HENMT1: variants seen among roughly 807,000 people sequenced by gnomAD.
The protein encoded by HENMT1 is HEN methyltransferase 1.
HENMT1 carries 27 observed loss-of-function variants against 31.1 expected under a neutral mutation model. The observed-to-expected ratio is 0.87, with a 90% CI of 0.64 to 1.20. HENMT1 has a LOEUF of 1.20. Ranked by LOEUF, HENMT1 falls within the 50% of genes most tolerant of loss-of-function variation. The probability of loss-of-function intolerance (pLI) is 0.00; values close to 1 mark genes in which losing one functional copy is unlikely to be tolerated. For synonymous variants in HENMT1, 167 were observed against 172.2 expected, an observed-to-expected ratio of 0.97 and a Z score of 0.24; for missense variants, 438 against 469.6, an observed-to-expected ratio of 0.93 and a Z score of 0.62.
In HENMT1 at chr1:108,657,512, G is replaced by A. The variant is rs1261522951; in HGVS notation, c.89C>T (p.Pro30Leu). ...GAACTGGTACCGCTGTCTGTATAGT[G>A]GAGGTTTAAACTGAATTGCCGTCTC... is the stretch of plus-strand genomic sequence containing the variant. ...PRETAIQFKPPLYRQRYQFVK... is the reference protein window; with the variant it reads ...PRETAIQFKPLLYRQRYQFVK... Residue 30 changes from proline to leucine, a missense_variant, in exon 3 of 8, where the codon CCA becomes CTA. By Grantham distance (98) the Pro-to-Leu change is moderately conservative. Coordinates refer to ENST00000651461, the MANE Select transcript of HENMT1 (RefSeq NM_001102592.2). The A allele has an allele frequency of 6.2e-7, 1 of 1,610,902 alleles. No homozygotes were observed. The highest frequency in any genetic ancestry group is 1.3e-5 in the African/African-American group (1 of 74,788).
At chr1:108,654,955 T>A in intron 4 of HENMT1, 105 bp from the exon 5 acceptor site, 1 of 1,167,158 alleles carries the variant, frequency 8.6e-7, no homozygotes, top group Non-Finnish European at 1.2e-6. Context: ...CCTCTATTGA[T>A]ATAAGTCTGA....
intron 4 of HENMT1, 31 bp downstream of exon 4, chr1:108,655,555 A>G (rs1373089450): frequency 8.0e-7 from 1 of 1,243,950 alleles, no homozygotes; most frequent in Non-Finnish European, 1.2e-6. Context: ...TTTTAGATTA[A>G]CGCATAATTC....
chr1:108,649,132 C>T, intron 7 of HENMT1, 141 bp from the exon 8 acceptor site: 1 of 673,098 alleles, frequency 1.5e-6, no homozygotes, highest in Non-Finnish European at 2.5e-6. Flanking sequence ...TCGTAAATGC[C>T]TCAGTTATAA....
At chr1:108,659,191 A>G (rs949527626) in intron 2 of HENMT1, among the ~76,000 whole-genome samples, 1 of 152,176 alleles carries the variant, frequency 6.6e-6, no homozygotes, top group Admixed American at 6.5e-5. Context: ...TTTAAAATAT[A>G]CATGCACATA....
At chr1:108,650,929 A>G in intron 6 of HENMT1, 101 bp downstream of exon 6, 1 of 788,474 alleles carries the variant, frequency 1.3e-6, no homozygotes, top group Non-Finnish European at 2.0e-6. Context: ...ATTGGAAGAA[A>G]GTACAAAACA....
intron 2 of HENMT1, among the ~76,000 whole-genome samples, chr1:108,657,976 C>T (rs11102177): frequency 0.19 from 27,172 of 142,620 alleles, 4,371 homozygotes; most frequent in African/African-American, 0.46. Context: ...TATATATATA[C>T]ACACACACAT....
At chr1:108,652,528 T>C (rs909339342) in intron 5 of HENMT1, among the ~76,000 whole-genome samples, 12 of 152,222 alleles carry the variant, frequency 7.9e-5, no homozygotes, top group Admixed American at 5.2e-4. Flanking sequence ...AACAATTAAA[T>C]GTTACCAAAA....
intron 4 of HENMT1, 30 bp from the exon 5 acceptor site, chr1:108,654,880 G>A: frequency 6.2e-7 from 1 of 1,610,428 alleles, no homozygotes; most frequent in South Asian, 1.1e-5. Context: ...GAAACTTTCT[G>A]AACATTATCT....
intron 4 of HENMT1, 149 bp from the exon 5 acceptor site, chr1:108,654,999 GACCA>G: frequency 1.3e-6 from 1 of 784,586 alleles, no homozygotes; most frequent in Non-Finnish European, 2.0e-6. Flanking sequence ...ACATATTAAA[GACCA>G]GGTCATGGGG....
chr1:108,650,447 G>A lies in HENMT1; in HGVS notation c.579-59C>T, dbSNP rs949945390. ...TAAATGTAGAGCTACTGTTAAATAA[G>A]GAACCATTTCTGGTCAGCAGTAAAA... On this transcript the variant is annotated intron_variant, in intron 6 of 7. Coordinates refer to ENST00000651461, the MANE Select transcript of HENMT1 (RefSeq NM_001102592.2). The A allele has an allele frequency of 2.1e-6, 3 of 1,460,404 alleles. No individual in the cohort carries two copies. The African/African-American group carries it at 4.3e-5, about 21-fold the overall frequency. The allele number at this position is 1,460,404 out of a possible 1,614,324, so 90.5% of individuals were successfully genotyped here. A position where few individuals can be genotyped will look rare whatever the true frequency, so the allele number is the denominator to read the frequency against.
At chr1:108,654,598 C>A in intron 5 of HENMT1, 118 bp downstream of exon 5, 1 of 948,022 alleles carries the variant, frequency 1.1e-6, no homozygotes, top group Admixed American at 2.8e-5. Flanking sequence ...TATTCCCAAC[C>A]AATGAGCAGT....
chr1:108,655,664 A>G lies in HENMT1; in HGVS notation c.185T>C (p.Leu62Ser), dbSNP rs1557740780. The G allele has an allele frequency of 1.2e-6, 2 of 1,612,514 alleles. No homozygotes were observed. Among genetic ancestry groups the G allele is most frequent in the Non-Finnish European group, 1.7e-6 (2 of 1,179,358 alleles). The change falls in exon 4 of 8, where the codon TTA (leucine) becomes TCA (serine). Residue 62 changes from leucine to serine, a missense_variant. By Grantham distance (145) the Leu-to-Ser change is moderately radical (BLOSUM62 -2). Coordinates refer to ENST00000651461, the MANE Select transcript of HENMT1 (RefSeq NM_001102592.2). ...GCATGGATTGACTTTTAGCAGCCTT[A>G]AGAGTGAAGTATCACCACATCCCAG... is the stretch of plus-strand genomic sequence containing the variant. ...ADLGCGDTSL[L>S]RLLKVNPCIE...
At chr1:108,651,897 A>C (rs1237635397) in intron 5 of HENMT1, among the ~76,000 whole-genome samples, 5 of 152,206 alleles carry the variant, frequency 3.3e-5, no homozygotes, top group African/African-American at 1.2e-4. Flanking sequence ...TCTAAAAAAA[A>C]GTCTCTGAGG....
chr1:108,648,719 C>T lies in HENMT1; in HGVS notation c.1029G>A (p.Leu343=), dbSNP rs779137632. 1.2e-6 allele frequency: 2 copies of T among 1,614,200 alleles called. No individual in the cohort carries two copies. The highest frequency in any genetic ancestry group is 2.2e-5 in the East Asian group (1 of 44,886). Residue 343 remains leucine (L), a synonymous_variant, in exon 8 of 8, where the codon CTG becomes CTA. Transcript: ENST00000651461. ...ACTTGGGATACGCAAGGAGTCTCTGCAGAGGTACGAAAAATTTATCTCCAA... is the reference window on the plus strand; with the variant it reads ...ACTTGGGATACGCAAGGAGTCTCTGTAGAGGTACGAAAAATTTATCTCCAA... The part of the protein sequence containing the change: ...FCVGDKFFVP[L]QRLLAYPKLN...
rs756518566 is a variant in HENMT1, at chr1:108,655,639, G to A, written c.210C>T (p.Cys70=). ...TATCTACTCCAACAAGCAATTCAAT[G>A]CATGGATTGACTTTTAGCAGCCTTA... ...SLLRLLKVNP[C]IELLVGVDIN... Residue 70 remains cysteine, a synonymous_variant, in exon 4 of 8, where the codon TGC becomes TGT. Coordinates refer to ENST00000651461, the MANE Select transcript of HENMT1 (RefSeq NM_001102592.2). 3.2e-5 allele frequency: 51 copies of A among 1,612,050 alleles called. 1 individual carries two copies. In the South Asian group the frequency reaches 5.1e-4, roughly 16 times the overall value.
rs1170549426 is a variant in HENMT1, at chr1:108,659,811, T to C, written c.21+53A>G. ...TTGTTTGCAATTATCTCACAATACA[T>C]CCAGGTGATAATTCTTAAGAGTCAA... On this transcript the variant is annotated intron_variant, in intron 2 of 7. Transcript: ENST00000651461. 5 of 1,114,032 alleles carry C rather than the reference T, an allele frequency of 4.5e-6. No individual in the cohort carries two copies. The Admixed American group carries it at 5.9e-5, about 13-fold the overall frequency. The allele number at this position is 1,114,032 out of a possible 1,614,324, so 69.0% of individuals were successfully genotyped here. A position where few individuals can be genotyped will look rare whatever the true frequency, so the allele number is the denominator to read the frequency against.
At chr1:108,656,799 G>A (rs997414041) in intron 3 of HENMT1, among the ~76,000 whole-genome samples, 5 of 152,140 alleles carry the variant, frequency 3.3e-5, no homozygotes, top group African/African-American at 1.2e-4. Context: ...CACAATACCT[G>A]TGGCTACAAT....
rs1658047056 is a variant in HENMT1, at chr1:108,651,298, G to C, written c.399-89C>G. 4.6e-6 allele frequency: 5 copies of C among 1,077,942 alleles called. No homozygotes were observed. In the Admixed American group the frequency reaches 1.2e-4, roughly 25 times the overall value. The allele number at this position is 1,077,942 out of a possible 1,614,324, so 66.8% of individuals were successfully genotyped here. ...GATTTATCAAAAACAATTTCCATCT[G>C]TGTATCGATTTCTCCCTTCTTTGAA... On this transcript the variant is annotated intron_variant, in intron 5 of 7. Transcript: ENST00000651461.
At chr1:108,659,222 C>A (rs1395797954) in intron 2 of HENMT1, among the ~76,000 whole-genome samples, 1 of 152,076 alleles carries the variant, frequency 6.6e-6, no homozygotes, top group African/African-American at 2.4e-5. Context: ...TCCAAACATA[C>A]TTTTTTCCAA....
Sources: allele counts gnomAD v4.1 joint callset (sites outside exome capture counted in the v4.1 genomes callset), GRCh38; gene constraint gnomAD v4.1.1; transcripts MANE v1.5; gene names NCBI Gene and HGNC (gene_info 2026-07-23, HGNC 2026-07-21).